SV2B: variants seen among roughly 807,000 people sequenced by gnomAD.
SV2B encodes the protein synaptic vesicle glycoprotein 2B, also known as solute carrier family 22 member B2.
SV2B carries 41 observed loss-of-function variants against 73.9 expected under a neutral mutation model. The observed-to-expected ratio is 0.56, with a 90% CI of 0.43 to 0.72. The LOEUF is 0.72. SV2B is among the 30% of genes least tolerant of loss of function. The pLI is 0.00. For synonymous variants in SV2B, 314 were observed against 314.2 expected, an observed-to-expected ratio of 1.00 and a Z score of 0.01; for missense variants, 764 against 857.8, an observed-to-expected ratio of 0.89 and a Z score of 1.37.
At chr15:91,279,018 A>G (rs1037273718) in intron 9 of SV2B, among the ~76,000 whole-genome samples, 1 of 152,200 alleles carries the variant, frequency 6.6e-6, no homozygotes, top group African/African-American at 2.4e-5. Flanking sequence ...GCAATTGAAG[A>G]GTATATATGA....
intron 1 of SV2B, among the ~76,000 whole-genome samples, chr15:91,114,723 G>A (rs1025374562): frequency 6.6e-6 from 1 of 152,168 alleles, no homozygotes; most frequent in East Asian, 1.9e-4. Flanking sequence ...TGTGCTCTGT[G>A]CTAGGCTCCA....
rs144335158 is a variant in SV2B at position 91,149,910 on chromosome 15, C to T, written c.-392+49547C>T. The stretch of plus-strand genomic sequence containing the variant: ...ATATGCCACTTCTTGTGCTGACTCA[C>T]GTCCAGGCCAGTGGCAGAAAGTTCT... On this transcript the variant is annotated intron_variant, in intron 1 of 12. Coordinates refer to ENST00000394232, the MANE Select transcript of SV2B (RefSeq NM_001323032.3). Among the ~76,000 whole-genome samples, 728 of 152,324 alleles carry T rather than the reference C, an allele frequency of 4.8e-3. 4 individuals carry two copies. The highest frequency in any genetic ancestry group is 0.016 in the African/African-American group (682 of 41,570).
At chr15:91,217,735 G>T (rs1221405353) in intron 1 of SV2B, among the ~76,000 whole-genome samples, 1 of 152,194 alleles carries the variant, frequency 6.6e-6, no homozygotes, top group Admixed American at 6.5e-5. Context: ...AGATACATGA[G>T]AAAATATTGA....
intron 1 of SV2B, among the ~76,000 whole-genome samples, chr15:91,174,726 C>T (rs1430057507): frequency 6.6e-6 from 1 of 152,092 alleles, no homozygotes; most frequent in African/African-American, 2.4e-5. Flanking sequence ...CTACAATAGC[C>T]CTCCAAATTT....
At chr15:91,180,318 C>A (rs1164294119) in intron 1 of SV2B, among the ~76,000 whole-genome samples, 1 of 152,036 alleles carries the variant, frequency 6.6e-6, no homozygotes, top group Non-Finnish European at 1.5e-5. Flanking sequence ...TCTCTGGCTG[C>A]CCTTAACATT....
At chr15:91,186,716 G>C (rs535372257) in intron 1 of SV2B, among the ~76,000 whole-genome samples, 1 of 152,096 alleles carries the variant, frequency 6.6e-6, no homozygotes, top group Non-Finnish European at 1.5e-5. Flanking sequence ...AGAAGGCTGT[G>C]GGGGGTGAGG....
Position 91,122,027 on chromosome 15 carries a change from G to A in SV2B, c.-392+21664G>A, listed in dbSNP as rs1179083999. On this transcript the variant is annotated intron_variant, in intron 1 of 12. Coordinates refer to ENST00000394232, the MANE Select transcript of SV2B (RefSeq NM_001323032.3). The surrounding 1 kb of genome is among the most constrained non-coding windows in gnomAD (Gnocchi z 4.3). ...CTGACTTCATGATTCGCCTGCCTTGGCCTCCCAAAGTGCTGGGATTACAGG... is the reference window on the plus strand; with the variant it reads ...CTGACTTCATGATTCGCCTGCCTTGACCTCCCAAAGTGCTGGGATTACAGG... 6.6e-6 allele frequency among the ~76,000 whole-genome samples: 1 copy of A among 152,082 alleles called. No homozygotes were observed. The highest frequency in any genetic ancestry group is 1.9e-4 in the East Asian group (1 of 5,188).
chr15:91,160,584 G>A (rs1200131127), intron 1 of SV2B, among the ~76,000 whole-genome samples: 1 of 151,932 alleles, frequency 6.6e-6, no homozygotes, highest in Admixed American at 6.6e-5. Flanking sequence ...CTCCAGCCTG[G>A]GTGACAGAAT....
At chr15:91,270,503 C>T (rs530759553) in intron 9 of SV2B, among the ~76,000 whole-genome samples, 52 of 152,338 alleles carry the variant, frequency 3.4e-4, no homozygotes. Context: ...ATCTTGGACT[C>T]TTGACAACTA....
In SV2B at chr15:91,241,483, C is replaced by T. The variant is rs1404883214; in HGVS notation, c.452-10336C>T. Reference sequence around the variant, plus strand: ...GCCATCATCCTTCATTTCCCTCATCCCTTCACACTCTCCTTGATGGTTATT... The same window carrying T: ...GCCATCATCCTTCATTTCCCTCATCTCTTCACACTCTCCTTGATGGTTATT... On this transcript the variant is annotated intron_variant, in intron 2 of 12. Coordinates refer to ENST00000394232, the MANE Select transcript of SV2B (RefSeq NM_001323032.3). The surrounding 1 kb of genome is among the most constrained non-coding windows in gnomAD (Gnocchi z 4.8). Among the ~76,000 whole-genome samples, 1 of 152,074 alleles carries T rather than the reference C, an allele frequency of 6.6e-6. No homozygotes were observed. Among genetic ancestry groups the T allele is most frequent in the Non-Finnish European group, 1.5e-5 (1 of 68,016 alleles).
intron 1 of SV2B, among the ~76,000 whole-genome samples, chr15:91,168,922 G>A (rs909423904): frequency 2.6e-5 from 4 of 152,200 alleles, no homozygotes; most frequent in Admixed American, 6.5e-5. Flanking sequence ...TGATATTACA[G>A]TGAAACACAT....
intron 1 of SV2B, among the ~76,000 whole-genome samples, chr15:91,149,004 A>C (rs986580290): frequency 6.6e-6 from 1 of 152,240 alleles, no homozygotes; most frequent in East Asian, 1.9e-4. Context: ...TGGGCACCCC[A>C]TGGACTAATC....
In SV2B at chr15:91,141,478, C is replaced by T. The variant is rs117759803; in HGVS notation, c.-392+41115C>T. Among the ~76,000 whole-genome samples the T allele has an allele frequency of 2.5e-3, 385 of 152,198 alleles. 2 individuals carry two copies. Among genetic ancestry groups the T allele is most frequent in the Non-Finnish European group, 4.4e-3 (301 of 68,002 alleles). ...CCTGGTCAAGGGTGGAGAGAGGTTC[C>T]GCTTTGAGGGCCAGCTCTGCCACTT... On this transcript the variant is annotated intron_variant, in intron 1 of 12. Transcript: ENST00000394232. The surrounding 1 kb of genome is among the most constrained non-coding windows in gnomAD (Gnocchi z 4.6).
At chr15:91,277,156 A>AATGTTGGGTTGCAAGTCAG (rs1338015623) in intron 9 of SV2B, among the ~76,000 whole-genome samples, 278 of 152,216 alleles carry the variant, frequency 1.8e-3, no homozygotes, top group Non-Finnish European at 3.0e-3. Context: ...TATGTCTTGT[A>AATGTTGGGTTGCAAGTCAG]ATGTTGGGTT....
chr15:91,111,072 G>A (rs747644201), intron 1 of SV2B, among the ~76,000 whole-genome samples: 30 of 152,044 alleles, frequency 2.0e-4, no homozygotes, highest in Non-Finnish European at 3.8e-4. Flanking sequence ...GCCCACGTCT[G>A]TGGCAGAAAA....
rs1191063291 is a variant in SV2B at position 91,105,946 on chromosome 15, G to A, written c.-392+5583G>A. On this transcript the variant is annotated intron_variant, in intron 1 of 12. Coordinates refer to ENST00000394232, the MANE Select transcript of SV2B (RefSeq NM_001323032.3). This position sits in a 1 kb window ranked among gnomAD's most constrained non-coding sequence, Gnocchi z 5.5. ...TGCCTGTAGCCCTAGCTACTCGGGA[G>A]TCTGAGGTGGGAGGATCACCTGAGC... Among the ~76,000 whole-genome samples, 1 of 152,170 alleles carries A rather than the reference G, an allele frequency of 6.6e-6. No individual in the cohort carries two copies. The highest frequency in any genetic ancestry group is 2.4e-5 in the African/African-American group (1 of 41,440).
chr15:91,113,314 T>C (rs2042088785), intron 1 of SV2B, among the ~76,000 whole-genome samples: 2 of 152,236 alleles, frequency 1.3e-5, no homozygotes, highest in Admixed American at 6.5e-5. Flanking sequence ...CCTTTTCATC[T>C]ATTGGCTGCC....
At chr15:91,176,110 A>G (rs1029196360) in intron 1 of SV2B, among the ~76,000 whole-genome samples, 5 of 150,966 alleles carry the variant, frequency 3.3e-5, no homozygotes, top group African/African-American at 1.2e-4. Flanking sequence ...TCATTGTTCA[A>G]TTCCCATCTA....
intron 1 of SV2B, among the ~76,000 whole-genome samples, chr15:91,191,782 T>G (rs1283300379): frequency 6.6e-6 from 1 of 152,270 alleles, no homozygotes; most frequent in Non-Finnish European, 1.5e-5. Context: ...AAAATACAAC[T>G]TGAGAATCTC....
Sources: gnomAD v4.1 joint callset for allele counts (sites outside exome capture counted in the v4.1 genomes callset) on GRCh38, gnomAD v4.1.1 for gene constraint, Gnocchi (gnomAD v3.1) non-coding constraint, MANE v1.5 for transcripts, NCBI Gene and HGNC (gene_info 2026-07-23, HGNC 2026-07-21) for gene names.